CFAP47: variants seen among roughly 807,000 people sequenced by gnomAD.
CFAP47 encodes cilia and flagella associated protein 47.
A neutral mutation model predicts 148.1 loss-of-function variants in CFAP47; 29 were observed. The observed-to-expected ratio is 0.20, with a 90% CI of 0.15 to 0.27. The LOEUF (loss-of-function observed/expected upper bound fraction) is 0.27. Among genes scored for constraint, CFAP47 ranks in the 10% least tolerant of loss-of-function variants. The pLI, the probability that CFAP47 is intolerant of heterozygous loss-of-function variation, is 1.00. For synonymous variants in CFAP47, 664 were observed against 577.3 expected, an observed-to-expected ratio of 1.15 and a Z score of -2.15; for missense variants, 1,872 against 1,697.5, an observed-to-expected ratio of 1.10 and a Z score of -1.81.
In CFAP47 at chrX:36,004,613, A is replaced by AT. The variant is rs769965442; in HGVS notation, c.3417+2907dup. Among the ~76,000 whole-genome samples the AT allele has an allele frequency of 1.3e-3, 146 of 109,709 alleles. 2 individuals carry two copies. Among genetic ancestry groups the AT allele is most frequent in the Non-Finnish European group, 4.9e-4 (26 of 52,714 alleles). On this transcript the variant is annotated intron_variant, in intron 21 of 63. Transcript: ENST00000378653. ...ATTGCTAATATGTCCTGCTAGATGA[A>AT]TAAACCACAAAAATGTTATTTTAAG...
intron 34 of CFAP47, 113 bp downstream of exon 34, chrX:36,138,168 C>G (rs1382565318): frequency 1.8e-6 from 1 of 543,163 alleles, no homozygotes; most frequent in Non-Finnish European, 2.8e-6. Context: ...ACATTCAAGT[C>G]AAACACCTGA....
chrX:36,041,854 C>T (rs777601490), intron 25 of CFAP47, among the ~76,000 whole-genome samples: 6 of 100,077 alleles, frequency 6.0e-5, no homozygotes, highest in South Asian at 4.9e-4. Flanking sequence ...TGAACCTGGG[C>T]GGCAGAGGTT....
chrX:36,260,529 T>G (rs1341511277), intron 49 of CFAP47, among the ~76,000 whole-genome samples: 3 of 112,563 alleles, frequency 2.7e-5, no homozygotes, highest in Non-Finnish European at 5.6e-5. Flanking sequence ...TGTCTTCTTT[T>G]AAGAACTGTT....
intron 6 of CFAP47, among the ~76,000 whole-genome samples, chrX:35,953,141 T>G (rs1425272379): frequency 8.9e-6 from 1 of 112,198 alleles, no homozygotes; most frequent in Non-Finnish European, 1.9e-5. Flanking sequence ...AAATTACTTG[T>G]CCACAACAAG....
At chrX:36,060,181 T>C (rs1423619900) in intron 26 of CFAP47, among the ~76,000 whole-genome samples, 1 of 111,749 alleles carries the variant, frequency 8.9e-6, no homozygotes, top group African/African-American at 3.2e-5. Flanking sequence ...TAAGACAATG[T>C]CCATGTATTT....
chrX:36,064,621 A>C (rs991927587), intron 26 of CFAP47, among the ~76,000 whole-genome samples: 18 of 111,837 alleles, frequency 1.6e-4, no homozygotes, highest in African/African-American at 5.5e-4. Context: ...ACTTGCATTA[A>C]AACATGGGAT....
intron 33 of CFAP47, among the ~76,000 whole-genome samples, chrX:36,118,831 G>C (rs1938689546): frequency 9.0e-6 from 1 of 111,656 alleles, no homozygotes; most frequent in African/African-American, 3.3e-5. Flanking sequence ...TTTATTTGTG[G>C]CTATTGTAAA....
At position 35,956,118 on chromosome X, in the gene CFAP47, T is replaced by G; in HGVS notation, c.1332T>G (p.Pro444=). 8.3e-7 allele frequency: 1 copy of G among 1,211,586 alleles called. No homozygotes were observed. Among genetic ancestry groups the G allele is most frequent in the South Asian group, 1.8e-5 (1 of 56,968 alleles). Residue 444 remains proline (P), a synonymous_variant, in exon 8 of 64, where the codon CCT becomes CCG. Coordinates refer to ENST00000378653, the MANE Select transcript of CFAP47 (RefSeq NM_001304548.2). The stretch of plus-strand genomic sequence containing the variant: ...TAAAAAATCAATGCGAATTACTTCC[T>G]GTGACGTACCACTTTAAAAAAACTG... The part of the protein sequence containing the change: ...CIIKNQCELL[P]VTYHFKKTAN...
chrX:36,208,685 G>T (rs149281278), intron 45 of CFAP47, among the ~76,000 whole-genome samples: 341 of 111,811 alleles, frequency 3.0e-3, no homozygotes, highest in African/African-American at 0.011. Context: ...CATAAAATAG[G>T]TGAGGTGCGG....
intron 49 of CFAP47, among the ~76,000 whole-genome samples, chrX:36,261,905 G>A (rs1031132361): frequency 9.0e-6 from 1 of 111,317 alleles, no homozygotes; most frequent in African/African-American, 3.3e-5. Flanking sequence ...GGGCGGCCGG[G>A]CAGAGGCGCC....
At chrX:36,187,625 A>G (rs1249921905) in intron 40 of CFAP47, among the ~76,000 whole-genome samples, 3 of 111,877 alleles carry the variant, frequency 2.7e-5, no homozygotes, top group Non-Finnish European at 5.6e-5. Context: ...TGTTTATCAA[A>G]TGTGCAAATT....
intron 2 of CFAP47, among the ~76,000 whole-genome samples, chrX:35,930,730 T>C (rs1002867652): frequency 6.3e-5 from 7 of 111,957 alleles, no homozygotes; most frequent in Non-Finnish European, 1.1e-4. Flanking sequence ...ATTTTAGAGC[T>C]GTTAGAAATT....
At chrX:36,228,905 G>T (rs1465522658) in intron 46 of CFAP47, 81 bp downstream of exon 46, 2 of 448,232 alleles carry the variant, frequency 4.5e-6, no homozygotes, top group Non-Finnish European at 7.9e-6. Flanking sequence ...TCTCATCTTG[G>T]ACTATTACAA....
intron 48 of CFAP47, among the ~76,000 whole-genome samples, chrX:36,243,166 A>G (rs1940567095): frequency 9.0e-6 from 1 of 111,666 alleles, no homozygotes; most frequent in Admixed American, 9.5e-5. Flanking sequence ...GATGAGACTG[A>G]CAAGAAGTCC....
intron 29 of CFAP47, 130 bp from the exon 30 acceptor site, chrX:36,085,184 T>C: frequency 2.5e-6 from 1 of 407,682 alleles, no homozygotes; most frequent in Admixed American, 4.4e-5. Context: ...CCTAGTGAAG[T>C]GTATTATGGA....
intron 32 of CFAP47, among the ~76,000 whole-genome samples, chrX:36,102,976 T>C (rs947581629): frequency 8.9e-6 from 1 of 111,763 alleles, no homozygotes; most frequent in African/African-American, 3.3e-5. Flanking sequence ...GTACTTCTTA[T>C]AGTGGTAAAC....
chrX:36,176,435 G>A (rs1182524961), intron 39 of CFAP47, among the ~76,000 whole-genome samples: 2 of 112,467 alleles, frequency 1.8e-5, no homozygotes, highest in Admixed American at 1.9e-4. Flanking sequence ...GCTTCTCAAA[G>A]TGTTATCCTT....
intron 39 of CFAP47, among the ~76,000 whole-genome samples, chrX:36,163,367 T>C (rs1027140532): frequency 8.9e-6 from 1 of 111,833 alleles, no homozygotes; most frequent in African/African-American, 3.2e-5. Context: ...TGATGTTCTC[T>C]ATTGTTTTAC....
At chrX:36,305,362 T>G (rs1556008624) in intron 54 of CFAP47, among the ~76,000 whole-genome samples, 1 of 111,835 alleles carries the variant, frequency 8.9e-6, no homozygotes, top group Non-Finnish European at 1.9e-5. Flanking sequence ...TTTTGTATCC[T>G]TTATATCTCT....
Sources: gnomAD v4.1 joint callset for allele counts (sites outside exome capture counted in the v4.1 genomes callset) on GRCh38, gnomAD v4.1.1 for gene constraint, MANE v1.5 for transcripts, NCBI Gene and HGNC (gene_info 2026-07-23, HGNC 2026-07-21) for gene names.